The following CAPN13 variants were observed in gnomAD, a reference collection of about 807,000 sequenced individuals.
The protein encoded by CAPN13 is calpain 13.
Under a neutral mutation model 98.4 loss-of-function variants are expected in CAPN13, and 90 were observed. That is an observed-to-expected ratio of 0.92 (90% CI 0.77 to 1.09). CAPN13 has a LOEUF of 1.09. Ranked by LOEUF, CAPN13 falls within the 50% of genes least tolerant of loss-of-function variation. The pLI is 0.00. For missense variants in CAPN13, 887 were observed against 841.3 expected (o/e 1.05, Z -0.67); for synonymous variants, 330 against 305.5 (o/e 1.08, Z -0.84).
At chr2:30,754,768 C>A (rs576124038) in intron 8 of CAPN13, among the ~76,000 whole-genome samples, 1 of 152,242 alleles carries the variant, frequency 6.6e-6, no homozygotes, top group South Asian at 2.1e-4. Flanking sequence ...ACCTCTTACA[C>A]CCCTCTCAAA....
At chr2:30,772,519 T>C (rs1412605887) in intron 4 of CAPN13, among the ~76,000 whole-genome samples, 2 of 152,184 alleles carry the variant, frequency 1.3e-5, no homozygotes, top group Non-Finnish European at 2.9e-5. Context: ...GCTCCACCAA[T>C]GCTGGCACCC....
At chr2:30,760,501 C>G (rs182950147) in intron 7 of CAPN13, among the ~76,000 whole-genome samples, 26 of 152,302 alleles carry the variant, frequency 1.7e-4, no homozygotes, top group East Asian at 1.4e-3. Flanking sequence ...ACGAGGCATG[C>G]AGATAAACAC....
chr2:30,800,441 C>T (rs1028352285), intron 1 of CAPN13, among the ~76,000 whole-genome samples: 3 of 152,198 alleles, frequency 2.0e-5, no homozygotes, highest in Admixed American at 2.0e-4. Context: ...GAGAGCTCTG[C>T]TGATGGGTTC....
chr2:30,801,744 C>A (rs992159392), intron 1 of CAPN13, among the ~76,000 whole-genome samples: 1 of 151,946 alleles, frequency 6.6e-6, no homozygotes, highest in Non-Finnish European at 1.5e-5. Flanking sequence ...CCAGGGACAG[C>A]CAGTCAGCAG....
intron 7 of CAPN13, among the ~76,000 whole-genome samples, chr2:30,759,155 T>G (rs542914781): frequency 7.0e-6 from 1 of 142,058 alleles, no homozygotes; most frequent in East Asian, 2.3e-4. Context: ...CCCTTCCTTT[T>G]TTCCTCCCTC....
intron 1 of CAPN13, among the ~76,000 whole-genome samples, chr2:30,792,307 CT>C (rs1311201459): frequency 6.6e-6 from 1 of 152,042 alleles, no homozygotes; most frequent in African/African-American, 2.4e-5. Flanking sequence ...TGACAAACCC[CT>C]AGTCAACTTG....
intron 1 of CAPN13, among the ~76,000 whole-genome samples, chr2:30,798,881 C>G (rs1223093089): frequency 6.6e-6 from 1 of 152,076 alleles, no homozygotes; most frequent in Non-Finnish European, 1.5e-5. Context: ...TCTCTGCTGA[C>G]AAGGAACAAG....
At chr2:30,793,950 A>C (rs760874633) in intron 1 of CAPN13, among the ~76,000 whole-genome samples, 10 of 151,868 alleles carry the variant, frequency 6.6e-5, no homozygotes, top group Non-Finnish European at 1.5e-4. Context: ...CACAGACCTA[A>C]AGGTAAAACT....
intron 15 of CAPN13, among the ~76,000 whole-genome samples, chr2:30,739,342 G>A (rs552363614): frequency 1.3e-5 from 2 of 152,100 alleles, no homozygotes; most frequent in South Asian, 4.2e-4. Context: ...TGTAGAATAG[G>A]GTGCCTCCTG....
At position 30,776,067 on chromosome 2, in the gene CAPN13, G is replaced by A. The variant is rs575078740; in HGVS notation, c.272-22C>T. 5.8e-6 allele frequency: 9 copies of A among 1,554,010 alleles called. No individual in the cohort carries two copies. The African/African-American group carries it at 1.1e-4, about 19-fold the overall frequency. ...TCAGCTGTGAGGGGAGATAAGCCAG[G>A]AAAGGCTGATTGGACACACTTGGAA... On this transcript the variant is annotated intron_variant, in intron 3 of 22. Transcript: ENST00000295055.
In CAPN13 at chr2:30,763,127, A is replaced by G. The variant is rs755609948; in HGVS notation, c.729T>C (p.Asn243=). 5.6e-5 allele frequency: 91 copies of G among 1,611,572 alleles called. No homozygotes were observed. Among genetic ancestry groups the G allele is most frequent in the Non-Finnish European group, 7.3e-5 (86 of 1,179,094 alleles). The change falls in exon 7 of 23, where the codon AAT becomes AAC. Residue 243 remains asparagine (N), a synonymous_variant. Coordinates refer to ENST00000295055, the MANE Select transcript of CAPN13 (RefSeq NM_144575.3). The part of the protein sequence containing the change: ...GPTDTAQAME[N]GLVSLHAYTV... ...TGTAGGCATGGAGACTCACCAGCCC[A>G]TTCTCCATCGCCTGTGCTGTATCTG...
Position 30,738,236 on chromosome 2 carries a change from T to G in CAPN13, c.1652A>C (p.Glu551Ala), listed in dbSNP as rs1263919611. 6.2e-7 allele frequency: 1 copy of G among 1,613,874 alleles called. No homozygotes were observed. Among genetic ancestry groups the G allele is most frequent in the Admixed American group, 1.7e-5 (1 of 60,006 alleles). ...DECRSLVALM[E>A]LKVNGRLDQE... is the part of the protein sequence containing the mutation. Reference sequence around the variant, plus strand: ...GGGAGGGATGACCGCAAAGGATACTTCCATCAGAGCCACCAAGCTGCGGCA... The same window carrying G: ...GGGAGGGATGACCGCAAAGGATACTGCCATCAGAGCCACCAAGCTGCGGCA... The change falls in exon 17 of 23, where the codon GAA becomes GCA. Residue 551 changes from glutamate to alanine, a missense_variant and splice_region_variant. Coordinates refer to ENST00000295055, the MANE Select transcript of CAPN13 (RefSeq NM_144575.3).
intron 11 of CAPN13, among the ~76,000 whole-genome samples, chr2:30,747,594 G>C (rs1671975147): frequency 6.6e-6 from 1 of 152,196 alleles, no homozygotes; most frequent in Non-Finnish European, 1.5e-5. Flanking sequence ...TCAAGGTCTG[G>C]TTGGACATAA....
chr2:30,803,737 A>C (rs7594598), intron 1 of CAPN13, among the ~76,000 whole-genome samples: 94,043 of 151,992 alleles, frequency 0.62, 30,149 homozygotes, highest in African/African-American at 0.79. Flanking sequence ...TACAACATGT[A>C]TTAACAATTT....
chr2:30,747,303 G>A (rs370900564), intron 11 of CAPN13, among the ~76,000 whole-genome samples: 1 of 152,344 alleles, frequency 6.6e-6, no homozygotes, highest in African/African-American at 2.4e-5. Flanking sequence ...AAGTAGCAGA[G>A]CTGGGAATCG....
intron 11 of CAPN13, among the ~76,000 whole-genome samples, chr2:30,748,539 G>C (rs1433475888): frequency 6.6e-6 from 1 of 152,154 alleles, no homozygotes; most frequent in Non-Finnish European, 1.5e-5. Flanking sequence ...CTGAGTGACT[G>C]AGTGTGTGTG....
At position 30,775,914 on chromosome 2, in the gene CAPN13, G is replaced by A. The variant is rs536331293; in HGVS notation, c.387+16C>T. The A allele has an allele frequency of 2.5e-6, 4 of 1,589,838 alleles. No individual in the cohort carries two copies. Among genetic ancestry groups the A allele is most frequent in the Non-Finnish European group, 3.4e-6 (4 of 1,162,204 alleles). ...AGAACCCCATCATATAATGAGCGCT[G>A]CAAGGGCACACGTACCCGGAAACGG... On this transcript the variant is annotated intron_variant, in intron 4 of 22. Transcript: ENST00000295055.
At chr2:30,747,305 T>C (rs1276366877) in intron 11 of CAPN13, among the ~76,000 whole-genome samples, 1 of 151,976 alleles carries the variant, frequency 6.6e-6, no homozygotes, top group African/African-American at 2.4e-5. Flanking sequence ...GTAGCAGAGC[T>C]GGGAATCGGG....
intron 1 of CAPN13, among the ~76,000 whole-genome samples, chr2:30,797,383 A>G (rs1013013841): frequency 2.6e-5 from 4 of 152,222 alleles, no homozygotes; most frequent in African/African-American, 7.2e-5. Context: ...TCACAGGCAC[A>G]TAGAATCAGG....
Sources: allele counts gnomAD v4.1 joint callset (sites outside exome capture counted in the v4.1 genomes callset), GRCh38; gene constraint gnomAD v4.1.1; transcripts MANE v1.5; gene names NCBI Gene and HGNC (gene_info 2026-07-23, HGNC 2026-07-21).